ACTR2: variants seen among roughly 807,000 people sequenced by gnomAD.
ACTR2 encodes the protein actin related protein 2, also known as actin-related protein 2.
ACTR2 carries 5 observed loss-of-function variants against 50.2 expected under a neutral mutation model. The ratio of observed to expected loss-of-function variants is 0.10; its 90% CI spans 0.05 to 0.21. The LOEUF (loss-of-function observed/expected upper bound fraction) is 0.21. Among genes scored for constraint, ACTR2 ranks in the 10% least tolerant of loss-of-function variants. ACTR2 has a pLI of 1.00. For synonymous variants in ACTR2, 140 were observed against 162.9 expected, an observed-to-expected ratio of 0.86 and a Z score of 1.07; for missense variants, 180 against 480.6, an observed-to-expected ratio of 0.37 and a Z score of 5.85.
chr2:65,230,310 A>T (rs1029587838), intron 1 of ACTR2, among the ~76,000 whole-genome samples: 5 of 151,976 alleles, frequency 3.3e-5, no homozygotes, highest in Admixed American at 6.6e-5. Context: ...ATTTTAATGA[A>T]TTCTTTTAGG....
At chr2:65,240,381 T>G (rs1388095682) in intron 2 of ACTR2, among the ~76,000 whole-genome samples, 1 of 152,208 alleles carries the variant, frequency 6.6e-6, no homozygotes, top group Non-Finnish European at 1.5e-5. Context: ...TATGGCCTGA[T>G]CCCTCTACTT....
At chr2:65,248,562 A>G (rs1292445567) in intron 3 of ACTR2, among the ~76,000 whole-genome samples, 3 of 152,144 alleles carry the variant, frequency 2.0e-5, no homozygotes, top group African/African-American at 7.2e-5. Flanking sequence ...GCAAAAGATA[A>G]TGATGGTTAG....
chr2:65,249,592 T>TA (rs1412087660), intron 3 of ACTR2, among the ~76,000 whole-genome samples: 2 of 152,244 alleles, frequency 1.3e-5, no homozygotes, highest in African/African-American at 2.4e-5. Context: ...TTGTAGAATT[T>TA]AAATTCTGTG....
intron 1 of ACTR2, among the ~76,000 whole-genome samples, chr2:65,239,561 T>C (rs558150480): frequency 4.9e-4 from 74 of 152,378 alleles, no homozygotes; most frequent in African/African-American, 1.7e-3. Context: ...GGTATTGGAT[T>C]CCAGCACGAA....
intron 3 of ACTR2, among the ~76,000 whole-genome samples, chr2:65,250,638 A>G (rs1672028875): frequency 7.3e-6 from 1 of 136,986 alleles, no homozygotes; most frequent in Non-Finnish European, 1.5e-5. Flanking sequence ...GCGCCACTGC[A>G]CTCCAGCTTG....
intron 1 of ACTR2, chr2:65,228,185 C>T (rs1671564987): frequency 2.4e-6 from 1 of 409,652 alleles, no homozygotes; most frequent in East Asian, 3.9e-5. Context: ...CGGGTGGGGG[C>T]GGCGGGCGAG....
At chr2:65,237,245 C>T (rs1414857154) in intron 1 of ACTR2, among the ~76,000 whole-genome samples, 2 of 152,110 alleles carry the variant, frequency 1.3e-5, no homozygotes, top group East Asian at 1.9e-4. Context: ...GCAATGTCTG[C>T]TCTTACTAGA....
rs1672430264 is a variant in ACTR2 at position 65,268,674 on chromosome 2, A to G, written c.1125A>G (p.Arg375=). 6.2e-7 allele frequency: 1 copy of G among 1,613,932 alleles called. No individual in the cohort carries two copies. The highest frequency in any genetic ancestry group is 1.3e-5 in the African/African-American group (1 of 74,904). Residue 375 remains arginine (R), a synonymous_variant, in exon 9 of 9, where the codon CGA becomes CGG. Transcript: ENST00000260641. ...MKDKDNFWMT[R]QEYQEKGVRV... ...ACAAAGACAACTTTTGGATGACCCGACAAGAGTACCAAGAAAAGGGTGTCC... is the reference window on the plus strand; with the variant it reads ...ACAAAGACAACTTTTGGATGACCCGGCAAGAGTACCAAGAAAAGGGTGTCC...
chr2:65,251,367 T>A (rs1672047505), intron 4 of ACTR2, among the ~76,000 whole-genome samples: 1 of 152,206 alleles, frequency 6.6e-6, no homozygotes, highest in Admixed American at 6.5e-5. Context: ...TTAAGCTATT[T>A]AAATTTTTTT....
In ACTR2 at chr2:65,270,722, T is replaced by G. The variant is rs1672478737; in HGVS notation, c.*1988T>G. The G allele has an allele frequency of 6.6e-6, 1 of 152,212 alleles. No homozygotes were observed. The highest frequency in any genetic ancestry group is 2.1e-4 in the South Asian group (1 of 4,836). 9.4% of individuals were successfully genotyped at this position (152,212 alleles called of 1,614,324 possible). ...TTGTCCCTTGAATGTAGAATTTGTT[T>G]TTGATTTCATAATTCTGCTGGTAAA... is the stretch of plus-strand genomic sequence containing the variant. On this transcript the variant is annotated 3_prime_UTR_variant, in exon 9 of 9. Transcript: ENST00000260641.
intron 7 of ACTR2, among the ~76,000 whole-genome samples, 194 bp downstream of exon 7, chr2:65,261,586 C>G (rs1056891588): frequency 6.6e-6 from 1 of 152,112 alleles, no homozygotes; most frequent in Non-Finnish European, 1.5e-5. Context: ...CTGGATTTAC[C>G]ATTTTACTAA....
chr2:65,261,143 A>G, intron 6 of ACTR2, 104 bp from the exon 7 acceptor site: 2 of 1,113,768 alleles, frequency 1.8e-6, no homozygotes, highest in Admixed American at 2.6e-5. Context: ...GTTGGTAATG[A>G]TTTTGGTTAC....
intron 8 of ACTR2, among the ~76,000 whole-genome samples, chr2:65,268,039 G>A (rs577139340): frequency 1.8e-3 from 279 of 151,748 alleles, no homozygotes; most frequent in African/African-American, 6.5e-3. Flanking sequence ...GGGTTTCACT[G>A]TGTTAGCCAG....
chr2:65,232,997 G>GTT (rs35572490), intron 1 of ACTR2, among the ~76,000 whole-genome samples: 202 of 140,892 alleles, frequency 1.4e-3, no homozygotes, highest in Middle Eastern at 3.5e-3. Context: ...TCATGGTTTA[G>GTT]TTTTTTTTTT....
At chr2:65,268,492 A>T in intron 8 of ACTR2, 72 bp from the exon 9 acceptor site, 1 of 1,404,832 alleles carries the variant, frequency 7.1e-7, no homozygotes, top group South Asian at 1.4e-5. Flanking sequence ...GCATATATTT[A>T]AAAAGCCATT....
intron 5 of ACTR2, among the ~76,000 whole-genome samples, chr2:65,255,298 C>T (rs950142167): frequency 2.0e-5 from 3 of 152,096 alleles, no homozygotes; most frequent in Non-Finnish European, 4.4e-5. Flanking sequence ...CAGTGCTTTT[C>T]AAAAACTGAC....
At chr2:65,262,685 TG>T (rs1313449109) in intron 7 of ACTR2, among the ~76,000 whole-genome samples, 3 of 152,020 alleles carry the variant, frequency 2.0e-5, no homozygotes, top group Non-Finnish European at 4.4e-5. Flanking sequence ...AAACCAGGGG[TG>T]GTGGCTTCTG....
intron 1 of ACTR2, among the ~76,000 whole-genome samples, chr2:65,229,130 T>TA (rs199789391): frequency 0.012 from 1,765 of 151,494 alleles, 18 homozygotes; most frequent in Middle Eastern, 0.048. Flanking sequence ...CTTGCCAGAT[T>TA]AAAAAAAAAT....
At chr2:65,240,939 T>G (rs1425273979) in intron 2 of ACTR2, among the ~76,000 whole-genome samples, 1 of 152,082 alleles carries the variant, frequency 6.6e-6, no homozygotes, top group Non-Finnish European at 1.5e-5. Flanking sequence ...CTTCTGCTTT[T>G]GGGATAGAGA....
Sources: allele counts gnomAD v4.1 joint callset (sites outside exome capture counted in the v4.1 genomes callset), GRCh38; gene constraint gnomAD v4.1.1; transcripts MANE v1.5; gene names NCBI Gene and HGNC (gene_info 2026-07-23, HGNC 2026-07-21).